Variants in CCDC7 observed in about 807,000 individuals in gnomAD.
CCDC7 encodes coiled-coil domain containing 7, also known as coiled-coil domain-containing protein 7.
CCDC7 carries 183 observed loss-of-function variants against 196.9 expected under a neutral mutation model. That is an observed-to-expected ratio of 0.93 (90% CI 0.82 to 1.05). The LOEUF is 1.05. Ranked by LOEUF, CCDC7 falls within the 50% of genes least tolerant of loss-of-function variation. The pLI is 0.00. For synonymous variants in CCDC7, 525 were observed against 484.6 expected (o/e 1.08, Z -1.10); for missense variants, 1,540 against 1,482.2 (o/e 1.04, Z -0.64).
Position 32,642,426 on chromosome 10 carries a change from C to T in CCDC7, c.2014+7268C>T, listed in dbSNP as rs538418458. On this transcript the variant is annotated intron_variant, in intron 20 of 41. Transcript: ENST00000639629. ...GCTGTGCTAGCAATGAGCGAGGCTCCGTGGGCGTAGGACCCTCCGAGCCAG... is the reference window on the plus strand; with the variant it reads ...GCTGTGCTAGCAATGAGCGAGGCTCTGTGGGCGTAGGACCCTCCGAGCCAG... Among the ~76,000 whole-genome samples, 8 of 152,324 alleles carry T rather than the reference C, an allele frequency of 5.3e-5. No individual in the cohort carries two copies. In the East Asian group the frequency reaches 5.8e-4, roughly 11 times the overall value.
chr10:32,810,244 A>T (rs966022060), intron 30 of CCDC7, among the ~76,000 whole-genome samples: 1 of 152,184 alleles, frequency 6.6e-6, no homozygotes. Flanking sequence ...TTTTAAAAAC[A>T]TGAGCAAACT....
At chr10:32,865,652 G>A (rs993267936) in intron 41 of CCDC7, among the ~76,000 whole-genome samples, 2 of 151,710 alleles carry the variant, frequency 1.3e-5, no homozygotes, top group African/African-American at 4.8e-5. Context: ...CAAATTGTGG[G>A]TTACACAGCT....
rs12248394 is a variant in CCDC7 at position 32,620,129 on chromosome 10, G to C, written c.1802-14125G>C. 3.0e-3 allele frequency among the ~76,000 whole-genome samples: 454 copies of C among 151,484 alleles called. 1 individual carries two copies. Among genetic ancestry groups the C allele is most frequent in the African/African-American group, 0.01 (427 of 41,212 alleles). On this transcript the variant is annotated intron_variant, in intron 18 of 41. Transcript: ENST00000639629. ...GTAGAGATGGAGTTTTGCCATGTTG[G>C]CCAGGCTGGTCTCGATCTCCTGGCC...
At chr10:32,536,137 A>C (rs1233899622) in intron 11 of CCDC7, among the ~76,000 whole-genome samples, 1 of 150,316 alleles carries the variant, frequency 6.7e-6, no homozygotes, top group East Asian at 2.2e-4. Flanking sequence ...CTTGCTGCAC[A>C]TGTATCTAAC....
intron 18 of CCDC7, among the ~76,000 whole-genome samples, chr10:32,599,323 A>G (rs2060750884): frequency 6.6e-6 from 1 of 152,124 alleles, no homozygotes; most frequent in Non-Finnish European, 1.5e-5. Context: ...TCTCTTATAC[A>G]TAGCATGTCA....
chr10:32,534,332 G>C (rs1181903788), intron 11 of CCDC7, among the ~76,000 whole-genome samples: 1 of 152,100 alleles, frequency 6.6e-6, no homozygotes, highest in African/African-American at 2.4e-5. Flanking sequence ...GGAGATCACT[G>C]AGTTTCCTTA....
At chr10:32,488,896 G>T (rs1235862826) in intron 8 of CCDC7, among the ~76,000 whole-genome samples, 1 of 152,232 alleles carries the variant, frequency 6.6e-6, no homozygotes, top group Non-Finnish European at 1.5e-5. Context: ...TGGGTGGGGT[G>T]TGGCAATTCA....
intron 24 of CCDC7, among the ~76,000 whole-genome samples, chr10:32,701,756 G>T (rs1289849449): frequency 4.6e-5 from 7 of 152,152 alleles, no homozygotes; most frequent in Non-Finnish European, 7.3e-5. Context: ...GAGGGTGTAT[G>T]TGTTGAGGAA....
intron 20 of CCDC7, among the ~76,000 whole-genome samples, chr10:32,644,769 C>T (rs969999839): frequency 6.6e-6 from 1 of 152,172 alleles, no homozygotes; most frequent in Non-Finnish European, 1.5e-5. Context: ...CCATGTGAGA[C>T]GTGCCTTTCA....
At chr10:32,606,321 C>T (rs1260605900) in intron 18 of CCDC7, among the ~76,000 whole-genome samples, 1 of 152,238 alleles carries the variant, frequency 6.6e-6, no homozygotes, top group Non-Finnish European at 1.5e-5. Flanking sequence ...CACAGAGAAC[C>T]TCTACTACAG....
chr10:32,842,349 A>G (rs1158359010), intron 33 of CCDC7, among the ~76,000 whole-genome samples: 1 of 152,230 alleles, frequency 6.6e-6, no homozygotes, highest in East Asian at 1.9e-4. Flanking sequence ...AAAATGCTCA[A>G]CATCACTCAT....
chr10:32,604,555 A>G (rs910747273), intron 18 of CCDC7, among the ~76,000 whole-genome samples: 2 of 152,152 alleles, frequency 1.3e-5, no homozygotes, highest in Non-Finnish European at 2.9e-5. Flanking sequence ...CCAGTCAGTG[A>G]GCATGAGATG....
chr10:32,880,464 T>G (rs1267639789), downstream of CCDC7, among the ~76,000 whole-genome samples: 2 of 152,206 alleles, frequency 1.3e-5, no homozygotes, highest in Non-Finnish European at 2.9e-5. Context: ...GATGGATAGA[T>G]GGCAAAAATT....
chr10:32,640,436 C>G, intron 20 of CCDC7, among the ~76,000 whole-genome samples: 1 of 152,152 alleles, frequency 6.6e-6, no homozygotes, highest in Non-Finnish European at 1.5e-5. Flanking sequence ...GAATACAGCA[C>G]ACTGATGGGT....
intron 23 of CCDC7, among the ~76,000 whole-genome samples, chr10:32,692,031 G>C (rs1334555896): frequency 6.6e-6 from 1 of 152,142 alleles, no homozygotes; most frequent in Non-Finnish European, 1.5e-5. Context: ...CACTCCCTAA[G>C]TTAAACAAGA....
At chr10:32,673,190 A>G (rs577499172) in intron 21 of CCDC7, among the ~76,000 whole-genome samples, 1 of 152,222 alleles carries the variant, frequency 6.6e-6, no homozygotes, top group South Asian at 2.1e-4. Context: ...TTACTATAAT[A>G]TAAGCTTTGT....
At chr10:32,866,782 G>A (rs56185149) in intron 41 of CCDC7, among the ~76,000 whole-genome samples, 13,648 of 151,534 alleles carry the variant, frequency 0.09, 723 homozygotes, top group South Asian at 0.25. Context: ...GTGAGTTTAT[G>A]GGAACTAAGT....
chr10:32,550,616 G>A (rs184063247), intron 13 of CCDC7, among the ~76,000 whole-genome samples: 4 of 152,072 alleles, frequency 2.6e-5, no homozygotes. Flanking sequence ...AAGGGATGCT[G>A]GATTTTGTTG....
chr10:32,814,343 T>A, intron 30 of CCDC7, 27 bp from the exon 32 acceptor site: 1 of 1,407,316 alleles, frequency 7.1e-7, no homozygotes. Context: ...TACCTTACAG[T>A]GTTTTGATAC....
Sources: gnomAD v4.1 joint callset for allele counts (sites outside exome capture counted in the v4.1 genomes callset) on GRCh38, gnomAD v4.1.1 for gene constraint, MANE v1.5 for transcripts, NCBI Gene and HGNC (gene_info 2026-07-23, HGNC 2026-07-21) for gene names.